Variants in GLIS1 observed in about 807,000 individuals in gnomAD.
The protein encoded by GLIS1 is zinc finger protein GLIS1.
In GLIS1, 24 loss-of-function variants were observed where a neutral mutation model predicts 63.8. That is an observed-to-expected ratio of 0.38 (90% CI 0.27 to 0.53). The LOEUF (loss-of-function observed/expected upper bound fraction) is 0.53. Among genes scored for constraint, GLIS1 ranks in the 20% least tolerant of loss-of-function variants. The pLI, the probability that GLIS1 is intolerant of heterozygous loss-of-function variation, is 0.85. For synonymous variants in GLIS1, 450 were observed against 482.5 expected (o/e 0.93, Z 0.88); for missense variants, 1,036 against 1,074.1 (o/e 0.96, Z 0.50).
intron 4 of GLIS1, among the ~76,000 whole-genome samples, chr1:53,533,804 C>T (rs2100344545): frequency 6.6e-6 from 1 of 151,850 alleles, no homozygotes; most frequent in South Asian, 2.1e-4. Context: ...CAGATGGGGA[C>T]AACAGAGGCA....
chr1:53,562,137 C>A (rs1644898598), intron 4 of GLIS1, among the ~76,000 whole-genome samples: 1 of 152,166 alleles, frequency 6.6e-6, no homozygotes, highest in African/African-American at 2.4e-5. Flanking sequence ...GGGGGCAATG[C>A]AACAGGGCGT....
chr1:53,549,320 A>G (rs1644736056), intron 4 of GLIS1, among the ~76,000 whole-genome samples: 1 of 152,248 alleles, frequency 6.6e-6, no homozygotes, highest in Non-Finnish European at 1.5e-5. Context: ...TTGATGGATC[A>G]TATGTTAACC....
At chr1:53,681,603 G>C (rs1276929879) in intron 2 of GLIS1, among the ~76,000 whole-genome samples, 1 of 152,218 alleles carries the variant, frequency 6.6e-6, no homozygotes, top group African/African-American at 2.4e-5. Context: ...GCAGGGGACT[G>C]GACTTCCTGC....
rs190333057 is a variant in GLIS1 at position 53,542,513 on chromosome 1, T to C, written c.1321-12561A>G. On this transcript the variant is annotated intron_variant, in intron 4 of 10. Transcript: ENST00000628545. The stretch of plus-strand genomic sequence containing the variant: ...ACAAACAAATGAGCCTTGAGGGAAG[T>C]GTGGGGCGGGTGGGGAGATGGCTGG... 2.0e-5 allele frequency among the ~76,000 whole-genome samples: 3 copies of C among 151,984 alleles called. No homozygotes were observed. The East Asian group carries it at 5.8e-4, about 29-fold the overall frequency.
chr1:53,512,368 GA>G (rs1482530468), intron 8 of GLIS1, among the ~76,000 whole-genome samples: 2 of 151,838 alleles, frequency 1.3e-5, no homozygotes, highest in African/African-American at 2.4e-5. Flanking sequence ...ACAAGGCTGG[GA>G]AAAAAAATAC....
intron 10 of GLIS1, among the ~76,000 whole-genome samples, chr1:53,507,730 G>A (rs565591326): frequency 5.3e-5 from 8 of 152,316 alleles, no homozygotes; most frequent in South Asian, 2.1e-4. Context: ...CTGGGGAGAG[G>A]GGAGGCTGAA....
At chr1:53,580,718 T>C (rs566373524) in intron 4 of GLIS1, among the ~76,000 whole-genome samples, 1 of 152,116 alleles carries the variant, frequency 6.6e-6, no homozygotes, top group Admixed American at 6.5e-5. Context: ...AGCCTTAGTC[T>C]GGCATATGGA....
intron 4 of GLIS1, among the ~76,000 whole-genome samples, chr1:53,573,987 A>C (rs1301285936): frequency 1.3e-5 from 2 of 152,176 alleles, no homozygotes; most frequent in Non-Finnish European, 2.9e-5. Context: ...TAAGGCAATG[A>C]CTATTAGAGC....
At chr1:53,558,664 T>C (rs537514172) in intron 4 of GLIS1, among the ~76,000 whole-genome samples, 1 of 152,276 alleles carries the variant, frequency 6.6e-6, no homozygotes, top group Non-Finnish European at 1.5e-5. Context: ...GTCCCATTCA[T>C]GCCACAGTGC....
chr1:53,527,840 A>T (rs766792599), intron 5 of GLIS1, among the ~76,000 whole-genome samples: 6 of 152,010 alleles, frequency 3.9e-5, no homozygotes, highest in Non-Finnish European at 7.4e-5. Flanking sequence ...TCTTGGGGAG[A>T]CGAAGGCCTG....
chr1:53,601,933 C>G, intron 2 of GLIS1, among the ~76,000 whole-genome samples: 1 of 152,200 alleles, frequency 6.6e-6, no homozygotes, highest in Non-Finnish European at 1.5e-5. Context: ...ATTTGCTTGC[C>G]GAGCACGTTC....
chr1:53,543,471 T>C lies in GLIS1; in HGVS notation c.1321-13519A>G, dbSNP rs535800723. Among the ~76,000 whole-genome samples the C allele has an allele frequency of 5.3e-5, 8 of 152,194 alleles. No homozygotes were observed. The South Asian group carries it at 1.7e-3, about 32-fold the overall frequency. ...TGAGGAGTGAGAGCAGCAGTGGGAA[T>C]GGAGCCAGGGTTGAGGAATGAGCCC... On this transcript the variant is annotated intron_variant, in intron 4 of 10. Coordinates refer to ENST00000628545, the MANE Select transcript of GLIS1 (RefSeq NM_001367484.1).
At chr1:53,627,397 C>T (rs187700802) in intron 2 of GLIS1, among the ~76,000 whole-genome samples, 1 of 152,264 alleles carries the variant, frequency 6.6e-6, no homozygotes, top group East Asian at 1.9e-4. Context: ...TGTGGAGATG[C>T]GTGGAATTCA....
intron 2 of GLIS1, chr1:53,734,150 G>T (rs930805007): frequency 1.0e-6 from 1 of 979,020 alleles, no homozygotes; most frequent in Non-Finnish European, 1.2e-6. Context: ...GTTCACATTT[G>T]TCGTGATCAA....
At chr1:53,690,704 G>A (rs895419786) in intron 2 of GLIS1, among the ~76,000 whole-genome samples, 1 of 152,204 alleles carries the variant, frequency 6.6e-6, no homozygotes, top group African/African-American at 2.4e-5. Context: ...CAGGAGGCAG[G>A]ACATTTGAAC....
chr1:53,514,990 C>T (rs1644336007), intron 7 of GLIS1, among the ~76,000 whole-genome samples: 1 of 152,054 alleles, frequency 6.6e-6, no homozygotes, highest in Admixed American at 6.5e-5. Flanking sequence ...GGCTAAAGGG[C>T]TGTGTCCAGG....
Position 53,517,234 on chromosome 1 carries a change from C to T in GLIS1, c.1727-2453G>A, listed in dbSNP as rs868857589. Reference sequence around the variant, plus strand: ...TGGTCTGGATACCCAGCTGAGGCCTCGGCTCTGGTGCAGGCATCACTGCTG... The same window carrying T: ...TGGTCTGGATACCCAGCTGAGGCCTTGGCTCTGGTGCAGGCATCACTGCTG... On this transcript the variant is annotated intron_variant, in intron 7 of 10. Coordinates refer to ENST00000628545, the MANE Select transcript of GLIS1 (RefSeq NM_001367484.1). Among the ~76,000 whole-genome samples the T allele has an allele frequency of 5.9e-5, 9 of 152,136 alleles. 1 individual carries two copies. Among genetic ancestry groups the T allele is most frequent in the South Asian group, 4.2e-4 (2 of 4,714 alleles).
At chr1:53,649,306 T>C (rs919246683) in intron 2 of GLIS1, among the ~76,000 whole-genome samples, 1 of 152,242 alleles carries the variant, frequency 6.6e-6, no homozygotes, top group Non-Finnish European at 1.5e-5. Flanking sequence ...TATTAAATCA[T>C]AGCTGCAGAA....
chr1:53,599,652 G>A (rs1645295672), intron 3 of GLIS1, among the ~76,000 whole-genome samples: 1 of 152,264 alleles, frequency 6.6e-6, no homozygotes, highest in Non-Finnish European at 1.5e-5. Context: ...ATGAGACAGG[G>A]TGGCCGGCAC....
Sources: allele counts gnomAD v4.1 joint callset (sites outside exome capture counted in the v4.1 genomes callset), GRCh38; gene constraint gnomAD v4.1.1; transcripts MANE v1.5; gene names NCBI Gene and HGNC (gene_info 2026-07-23, HGNC 2026-07-21).